LRP1B: variants seen among roughly 807,000 people sequenced by gnomAD.
LRP1B encodes low-density lipoprotein receptor-related protein 1B.
Under a neutral mutation model 556.6 loss-of-function variants are expected in LRP1B, and 217 were observed. The observed-to-expected ratio is 0.39, with a 90% CI of 0.35 to 0.44. The LOEUF (loss-of-function observed/expected upper bound fraction) is 0.44, where lower values mean the gene tolerates loss of function less well. LRP1B is among the 20% of genes least tolerant of loss of function. The probability of loss-of-function intolerance (pLI) is 1.00; values close to 1 mark genes in which losing one functional copy is unlikely to be tolerated. For synonymous variants in LRP1B, 2,047 were observed against 1,865.8 expected (o/e 1.10, Z -2.50); for missense variants, 5,053 against 5,620.8 (o/e 0.90, Z 3.23).
chr2:140,772,565 C>A (rs1431296048), intron 33 of LRP1B, among the ~76,000 whole-genome samples: 5 of 152,100 alleles, frequency 3.3e-5, no homozygotes, highest in African/African-American at 1.2e-4. Flanking sequence ...CCACCTCGGC[C>A]TCCTGAAGTG....
At chr2:141,610,125 C>CA (rs1688055996) in intron 2 of LRP1B, among the ~76,000 whole-genome samples, 1 of 151,732 alleles carries the variant, frequency 6.6e-6, no homozygotes, top group Admixed American at 6.6e-5. Flanking sequence ...ATTGACAATC[C>CA]AAAAAAGTAA....
intron 52 of LRP1B, 143 bp downstream of exon 52, chr2:140,509,785 C>G (rs1338544297): frequency 9.1e-7 from 1 of 1,096,170 alleles, no homozygotes. Context: ...ACCGTCATCC[C>G]ACCTGATTAA....
chr2:141,181,993 C>G (rs758577153), intron 7 of LRP1B, among the ~76,000 whole-genome samples: 10 of 151,952 alleles, frequency 6.6e-5, no homozygotes, highest in Non-Finnish European at 1.5e-4. Context: ...CTTTCTCACC[C>G]ATGTGGTCTT....
At chr2:140,401,675 T>A (rs564613425) in intron 66 of LRP1B, among the ~76,000 whole-genome samples, 1 of 152,204 alleles carries the variant, frequency 6.6e-6, no homozygotes, top group African/African-American at 2.4e-5. Flanking sequence ...CTGGGCAACA[T>A]AGAGCAAGCT....
At chr2:141,665,399 T>C (rs1690390279) in intron 2 of LRP1B, among the ~76,000 whole-genome samples, 1 of 152,136 alleles carries the variant, frequency 6.6e-6, no homozygotes, top group Non-Finnish European at 1.5e-5. Flanking sequence ...GTGCCAGTCA[T>C]AATGGCTATT....
chr2:141,685,887 A>AT (rs1457404051), intron 2 of LRP1B, among the ~76,000 whole-genome samples: 2 of 150,634 alleles, frequency 1.3e-5, no homozygotes, highest in Non-Finnish European at 3.0e-5. Flanking sequence ...TTTCATATAT[A>AT]AAAAAAAATA....
chr2:140,952,768 G>C (rs1695756704), intron 18 of LRP1B, among the ~76,000 whole-genome samples: 1 of 152,126 alleles, frequency 6.6e-6, no homozygotes, highest in South Asian at 2.1e-4. Context: ...AGGGGTAACA[G>C]TAGTCAGAGA....
chr2:140,954,698 C>A (rs1695821803), intron 18 of LRP1B, among the ~76,000 whole-genome samples: 1 of 151,960 alleles, frequency 6.6e-6, no homozygotes, highest in African/African-American at 2.4e-5. Flanking sequence ...GTACATTCAA[C>A]CTCTAAGAAA....
chr2:141,747,099 G>C (rs186652508), intron 2 of LRP1B, among the ~76,000 whole-genome samples: 1 of 152,070 alleles, frequency 6.6e-6, no homozygotes, highest in African/African-American at 2.4e-5. Context: ...TATTACAAAC[G>C]ATTTTATTAA....
At chr2:140,842,945 A>G (rs1363495819) in intron 29 of LRP1B, among the ~76,000 whole-genome samples, 2 of 152,064 alleles carry the variant, frequency 1.3e-5, no homozygotes, top group South Asian at 2.1e-4. Flanking sequence ...GGGCTGAAGA[A>G]TATTTTGTCA....
intron 2 of LRP1B, among the ~76,000 whole-genome samples, chr2:141,515,490 A>T (rs1050708250): frequency 6.6e-6 from 1 of 152,158 alleles, no homozygotes; most frequent in African/African-American, 2.4e-5. Flanking sequence ...TTGCTGGAAA[A>T]CATTGGTAAT....
rs76171993 is a variant in LRP1B at position 140,459,611 on chromosome 2, G to T, written c.9626-1960C>A. Among the ~76,000 whole-genome samples, 3 of 152,078 alleles carry T rather than the reference G, an allele frequency of 2.0e-5. No homozygotes were observed. In the East Asian group the frequency reaches 5.8e-4, roughly 29 times the overall value. ...ACAGGTGATATTTATTAAGCACTTG[G>T]GTGCACAAGAACTAGGCCAGCGGGA... On this transcript the variant is annotated intron_variant, in intron 60 of 90. Transcript: ENST00000389484.
At chr2:141,808,856 C>CT (rs1558889794) in intron 2 of LRP1B, among the ~76,000 whole-genome samples, 2 of 152,000 alleles carry the variant, frequency 1.3e-5, no homozygotes, top group African/African-American at 4.8e-5. Context: ...AACATGTGAT[C>CT]TTTTTTGATG....
At chr2:140,965,368 T>A (rs2105320867) in intron 18 of LRP1B, among the ~76,000 whole-genome samples, 1 of 152,156 alleles carries the variant, frequency 6.6e-6, no homozygotes, top group African/African-American at 2.4e-5. Flanking sequence ...CTTTTTTTTT[T>A]TCTACTTGAA....
At chr2:141,287,416 G>A (rs970293059) in intron 3 of LRP1B, among the ~76,000 whole-genome samples, 1 of 150,982 alleles carries the variant, frequency 6.6e-6, no homozygotes, top group African/African-American at 2.4e-5. Flanking sequence ...TCCGCCTCCT[G>A]GGTTCACGCC....
chr2:140,773,651 T>G (rs1020768849), intron 33 of LRP1B, among the ~76,000 whole-genome samples: 3 of 142,824 alleles, frequency 2.1e-5, no homozygotes, highest in Non-Finnish European at 4.6e-5. Flanking sequence ...TAGAGAGAAC[T>G]ATATTTTTGA....
intron 7 of LRP1B, among the ~76,000 whole-genome samples, chr2:141,170,719 G>C (rs904555616): frequency 6.6e-6 from 1 of 152,026 alleles, no homozygotes; most frequent in Admixed American, 6.6e-5. Flanking sequence ...TGGCCTTAAA[G>C]AGTTAAGATT....
At chr2:141,770,402 T>C (rs1483105318) in intron 2 of LRP1B, among the ~76,000 whole-genome samples, 1 of 152,212 alleles carries the variant, frequency 6.6e-6, no homozygotes, top group Non-Finnish European at 1.5e-5. Context: ...ATTTCTTGTA[T>C]TTGACAAATG....
chr2:142,115,554 T>TTA lies in LRP1B; in HGVS notation c.82+15092_82+15093dup, dbSNP rs1491302061. Reference sequence around the variant, plus strand: ...ATATATTACATATGTAATATATATATTATATATGTAATATATATTATATAT... The same window carrying TTA: ...ATATATTACATATGTAATATATATATTATATATATGTAATATATATTATATAT... On this transcript the variant is annotated intron_variant, in intron 1 of 90. Coordinates refer to ENST00000389484, the MANE Select transcript of LRP1B (RefSeq NM_018557.3). 5.7e-3 allele frequency among the ~76,000 whole-genome samples: 114 copies of TTA among 20,128 alleles called. 11 individuals carry two copies. Among genetic ancestry groups the TTA allele is most frequent in the African/African-American group, 0.013 (106 of 8,208 alleles). The allele number at this position is 20,128 out of a possible 152,430, so 13.2% of individuals were successfully genotyped here.
Sources: gnomAD v4.1 joint callset for allele counts (sites outside exome capture counted in the v4.1 genomes callset) on GRCh38, gnomAD v4.1.1 for gene constraint, MANE v1.5 for transcripts, NCBI Gene and HGNC (gene_info 2026-07-23, HGNC 2026-07-21) for gene names.